SEMA3A: variants seen among roughly 807,000 people sequenced by gnomAD.
The protein encoded by SEMA3A is semaphorin 3A.
A neutral mutation model predicts 97.9 loss-of-function variants in SEMA3A; 29 were observed. That is an observed-to-expected ratio of 0.30 (90% CI 0.22 to 0.40). SEMA3A has a LOEUF of 0.40. SEMA3A is among the 10% of genes least tolerant of loss of function. The pLI, the probability that SEMA3A is intolerant of heterozygous loss-of-function variation, is 1.00. For synonymous variants in SEMA3A, 321 were observed against 323.7 expected (o/e 0.99, Z 0.09); for missense variants, 763 against 951.3 (o/e 0.80, Z 2.60).
intron 3 of SEMA3A, among the ~76,000 whole-genome samples, chr7:84,303,062 C>G (rs1801061777): frequency 6.6e-6 from 1 of 152,168 alleles, no homozygotes; most frequent in African/African-American, 2.4e-5. Flanking sequence ...TGGACTTGTG[C>G]AAACATGCAA....
chr7:84,485,209 C>T (rs543397142), intron 1 of SEMA3A, among the ~76,000 whole-genome samples: 98 of 152,128 alleles, frequency 6.4e-4, no homozygotes, highest in Admixed American at 8.5e-4. Flanking sequence ...TGCACATAAA[C>T]TAACAGTACT....
chr7:83,992,481 C>T (rs544771832), intron 12 of SEMA3A, among the ~76,000 whole-genome samples: 5 of 151,678 alleles, frequency 3.3e-5, no homozygotes, highest in East Asian at 3.9e-4. Context: ...CCTCTACACA[C>T]TGCTTTGAAT....
At chr7:84,049,653 T>C (rs1004701015) in intron 5 of SEMA3A, among the ~76,000 whole-genome samples, 1 of 152,154 alleles carries the variant, frequency 6.6e-6, no homozygotes, top group Non-Finnish European at 1.5e-5. Flanking sequence ...AAACTTCTTT[T>C]GTGGTTTCTA....
chr7:84,300,018 G>A (rs1447253816), intron 3 of SEMA3A, among the ~76,000 whole-genome samples: 2 of 128,604 alleles, frequency 1.6e-5, no homozygotes, highest in African/African-American at 5.9e-5. Flanking sequence ...GGTGACAAGA[G>A]TGAGACTCAG....
At chr7:84,431,396 G>A (rs1166036579) in intron 1 of SEMA3A, among the ~76,000 whole-genome samples, 1 of 151,942 alleles carries the variant, frequency 6.6e-6, no homozygotes, top group African/African-American at 2.4e-5. Flanking sequence ...GATCTCATGA[G>A]TCTATTAGCC....
At chr7:84,426,067 G>T (rs1804819142) in intron 1 of SEMA3A, among the ~76,000 whole-genome samples, 1 of 151,206 alleles carries the variant, frequency 6.6e-6, no homozygotes, top group Admixed American at 6.6e-5. Context: ...AACACACTTA[G>T]ACTCAGGAAG....
chr7:84,333,029 T>C (rs1801944138), intron 2 of SEMA3A, among the ~76,000 whole-genome samples: 1 of 152,024 alleles, frequency 6.6e-6, no homozygotes, highest in African/African-American at 2.4e-5. Flanking sequence ...ATTTAGGGAG[T>C]CAATTCATTA....
intron 1 of SEMA3A, among the ~76,000 whole-genome samples, chr7:84,390,335 A>AATTATTATT (rs71078827): frequency 0.14 from 20,063 of 143,494 alleles, 1,789 homozygotes; most frequent in African/African-American, 0.23. Context: ...GATATTCAAG[A>AATTATTATT]ATTATTATTA....
At chr7:84,095,356 T>TAC (rs1249705705) in intron 4 of SEMA3A, among the ~76,000 whole-genome samples, 2,018 of 104,898 alleles carry the variant, frequency 0.019, 90 homozygotes, top group South Asian at 0.071. Flanking sequence ...ATTTTTTATA[T>TAC]ACATATATAT....
intron 1 of SEMA3A, among the ~76,000 whole-genome samples, chr7:84,480,657 A>T (rs1261077511): frequency 2.0e-5 from 3 of 152,054 alleles, no homozygotes; most frequent in Non-Finnish European, 4.4e-5. Flanking sequence ...TCTCTTTTTG[A>T]ATTTTTCTGA....
chr7:84,299,234 A>G (rs1322315157), intron 3 of SEMA3A, among the ~76,000 whole-genome samples: 2 of 121,992 alleles, frequency 1.6e-5, no homozygotes, highest in Non-Finnish European at 3.7e-5. Flanking sequence ...AAAGATATAA[A>G]ACAGTGTGTA....
chr7:84,158,455 A>G (rs1345641569), intron 1 of SEMA3A, among the ~76,000 whole-genome samples: 3 of 152,032 alleles, frequency 2.0e-5, no homozygotes, highest in Non-Finnish European at 4.4e-5. Flanking sequence ...CCTGGCCAAC[A>G]GTTACTTCTT....
chr7:84,425,041 T>C (rs1369965017), intron 1 of SEMA3A, among the ~76,000 whole-genome samples: 1 of 103,990 alleles, frequency 9.6e-6, no homozygotes, highest in African/African-American at 4.0e-5. Context: ...TATTTATAAT[T>C]ATATATAATT....
chr7:84,247,247 A>C (rs1441379107), intron 3 of SEMA3A, among the ~76,000 whole-genome samples: 1 of 152,158 alleles, frequency 6.6e-6, no homozygotes, highest in Non-Finnish European at 1.5e-5. Context: ...TGGTTTTATA[A>C]TGAAGTTTTA....
chr7:84,175,074 A>G lies in SEMA3A; in HGVS notation c.112+19401T>C, dbSNP rs373086759. ...GTCTCTTCCACTTGTCTGGAATCAT[A>G]TATCTTCAGCCAGACCAGTGATTAA... is the stretch of plus-strand genomic sequence containing the variant. On this transcript the variant is annotated intron_variant, in intron 1 of 16. Transcript: ENST00000265362. Among the ~76,000 whole-genome samples the G allele has an allele frequency of 1.1e-4, 16 of 152,244 alleles. No individual in the cohort carries two copies. The East Asian group carries it at 1.4e-3, about 13-fold the overall frequency.
At chr7:84,245,993 G>A (rs1411516276) in intron 3 of SEMA3A, among the ~76,000 whole-genome samples, 1 of 152,308 alleles carries the variant, frequency 6.6e-6, no homozygotes, top group East Asian at 1.9e-4. Context: ...CAGGGAGATG[G>A]GAGTTTTATC....
rs369419533 is a variant in SEMA3A, at chr7:84,459,877, A to G, written c.-246+32583T>C. Among the ~76,000 whole-genome samples the G allele has an allele frequency of 3.9e-5, 6 of 152,232 alleles. No individual in the cohort carries two copies. The South Asian group carries it at 6.2e-4, about 16-fold the overall frequency. On this transcript the variant is annotated intron_variant, in intron 1 of 3. Coordinates refer to the SEMA3A transcript ENST00000424555. Reference sequence around the variant, plus strand: ...ACCCTGTCAATACAAAAATACAAAAATTAGCCAGACATGGTGGCGCATGCC... The same window carrying G: ...ACCCTGTCAATACAAAAATACAAAAGTTAGCCAGACATGGTGGCGCATGCC...
In SEMA3A at chr7:83,963,325, A is replaced by G. The variant is rs777440064; in HGVS notation, c.1740T>C (p.Pro580=). Residue 580 remains proline (P), a synonymous_variant, in exon 16 of 17, where the codon CCT becomes CCC. Transcript: ENST00000265362. The part of the protein sequence containing the change: ...LHHDNHHGHS[P]EERIIYGVEN... ...CTACACCATAGATGATTCTCTCTTC[A>G]GGGCTGTGGCCATGGTGATTATCTG... is the stretch of plus-strand genomic sequence containing the variant. 1 of 1,613,414 alleles carries G rather than the reference A, an allele frequency of 6.2e-7. No individual in the cohort carries two copies. The highest frequency in any genetic ancestry group is 1.7e-5 in the Admixed American group (1 of 60,020).
At chr7:84,045,752 A>G (rs1374204075) in intron 6 of SEMA3A, among the ~76,000 whole-genome samples, 1 of 151,932 alleles carries the variant, frequency 6.6e-6, no homozygotes, top group Non-Finnish European at 1.5e-5. Flanking sequence ...GTTCTAAACA[A>G]TCTTCTACTA....
Sources: allele counts gnomAD v4.1 joint callset (sites outside exome capture counted in the v4.1 genomes callset), GRCh38; gene constraint gnomAD v4.1.1; transcripts MANE v1.5; gene names NCBI Gene and HGNC (gene_info 2026-07-23, HGNC 2026-07-21).